Variants in ZNF235 observed in about 807,000 individuals in gnomAD.
ZNF235 encodes the protein zfp-93.
Under a neutral mutation model 29.4 loss-of-function variants are expected in ZNF235, and 25 were observed. The observed-to-expected ratio is 0.85, with a 90% CI of 0.62 to 1.19. The LOEUF (loss-of-function observed/expected upper bound fraction) is 1.19, where lower values mean the gene tolerates loss of function less well. Among genes scored for constraint, ZNF235 ranks in the 50% most tolerant of loss-of-function variants. The pLI is 0.00. For missense variants in ZNF235, 788 were observed against 885.0 expected, an observed-to-expected ratio of 0.89 and a Z score of 1.39; for synonymous variants, 300 against 295.3, an observed-to-expected ratio of 1.02 and a Z score of -0.16.
In ZNF235 at chr19:44,287,290, G is replaced by A. The variant is rs146718961; in HGVS notation, c.2145C>T (p.Val715=). The stretch of plus-strand genomic sequence containing the variant: ...ACCTCTGACTGAAGCCCTTACAACA[G>A]ACATCACATATGTAAGGCCTCTCTC... ...HTGERPYICD[V]CCKGFSQRSH... Residue 715 remains valine, a synonymous_variant, in exon 5 of 5, where the codon GTC becomes GTT. Coordinates refer to ENST00000291182, the MANE Select transcript of ZNF235 (RefSeq NM_004234.4). 3.1e-6 allele frequency: 5 copies of A among 1,611,976 alleles called. No individual in the cohort carries two copies. In the African/African-American group the frequency reaches 6.7e-5, roughly 22 times the overall value.
At chr19:44,292,150 C>T (rs1354394904) in intron 4 of ZNF235, among the ~76,000 whole-genome samples, 1 of 151,896 alleles carries the variant, frequency 6.6e-6, no homozygotes, top group Non-Finnish European at 1.5e-5. Context: ...GCAAGTATAT[C>T]CACTCTCACA....
intron 4 of ZNF235, among the ~76,000 whole-genome samples, chr19:44,295,414 A>G (rs1975641402): frequency 6.6e-6 from 1 of 151,338 alleles, no homozygotes; most frequent in Non-Finnish European, 1.5e-5. Context: ...AAGGAAAATT[A>G]TGAAACAATA....
chr19:44,293,366 T>C (rs2123096423), intron 4 of ZNF235, among the ~76,000 whole-genome samples: 1 of 151,940 alleles, frequency 6.6e-6, no homozygotes, highest in East Asian at 1.9e-4. Context: ...AAGTGATCAA[T>C]AAACAAATAA....
intron 2 of ZNF235, among the ~76,000 whole-genome samples, chr19:44,302,214 A>T (rs1451392684): frequency 6.6e-6 from 1 of 152,186 alleles, no homozygotes; most frequent in Non-Finnish European, 1.5e-5. Context: ...AAATGGTAGA[A>T]TTCTCAGAAT....
chr19:44,293,589 C>G (rs1183329128), intron 4 of ZNF235, among the ~76,000 whole-genome samples: 1 of 152,124 alleles, frequency 6.6e-6, no homozygotes, highest in Admixed American at 6.5e-5. Flanking sequence ...CAGACATTTA[C>G]AGAACATTCT....
intron 4 of ZNF235, among the ~76,000 whole-genome samples, chr19:44,293,816 A>G (rs2123096923): frequency 6.6e-6 from 1 of 152,194 alleles, no homozygotes; most frequent in East Asian, 1.9e-4. Context: ...ATCCTAAACA[A>G]TCTTTGGGTT....
intron 2 of ZNF235, among the ~76,000 whole-genome samples, chr19:44,302,562 C>T (rs1975752996): frequency 6.6e-6 from 1 of 151,538 alleles, no homozygotes; most frequent in Non-Finnish European, 1.5e-5. Context: ...AAGTTCAAGA[C>T]CAGCCTGGGA....
rs1350892383 is a variant in ZNF235 at position 44,287,651 on chromosome 19, CCA to C, written c.1782_1783del (p.Glu596LysfsTer6). ...TGCATCACACTTGAATGGTTTTTCCCCAGTGTGGACGCTCTGATGGGCTTGAA... is the reference window on the plus strand; with the variant it reads ...TGCATCACACTTGAATGGTTTTTCCCGTGTGGACGCTCTGATGGGCTTGAA... On this transcript the variant is annotated frameshift_variant, in exon 5 of 5. Transcript: ENST00000291182. LOFTEE classifies it high-confidence loss of function. The C allele has an allele frequency of 6.2e-7, 1 of 1,613,918 alleles. No homozygotes were observed. The highest frequency in any genetic ancestry group is 1.1e-5 in the South Asian group (1 of 91,074).
chr19:44,300,441 C>T (rs1461787165), intron 2 of ZNF235, among the ~76,000 whole-genome samples: 4 of 152,102 alleles, frequency 2.6e-5, no homozygotes, highest in Non-Finnish European at 4.4e-5. Flanking sequence ...TATATTTAAC[C>T]ATTCTAAATA....
rs1975810457 is a variant in ZNF235, at chr19:44,304,973, C to T, written c.-51G>A. 4 of 982,604 alleles carry T rather than the reference C, an allele frequency of 4.1e-6. No homozygotes were observed. The highest frequency in any genetic ancestry group is 4.8e-6 in the Non-Finnish European group (4 of 827,338). The allele number at this position is 982,604 out of a possible 1,614,324, so 60.9% of individuals were successfully genotyped here. A position where few individuals can be genotyped will look rare whatever the true frequency, so the allele number is the denominator to read the frequency against. The stretch of plus-strand genomic sequence containing the variant: ...TTGGAGACCCGGAGCTGACTCACCT[C>T]CCTGGGAGATATCTCAGATCCGACC... On this transcript the variant is annotated splice_region_variant and 5_prime_UTR_variant, in exon 1 of 5. Coordinates refer to ENST00000291182, the MANE Select transcript of ZNF235 (RefSeq NM_004234.4).
chr19:44,299,305 C>T (rs187156927), intron 3 of ZNF235, among the ~76,000 whole-genome samples: 67 of 152,140 alleles, frequency 4.4e-4, no homozygotes, highest in African/African-American at 1.4e-3. Flanking sequence ...AAAAGATATA[C>T]GAAATAAGGA....
Position 44,298,916 on chromosome 19 carries a change from A to G in ZNF235, c.143-13T>C, listed in dbSNP as rs778871391. ...AAGGACTGATGTCCTATAAAAAGAT[A>G]GTATTTAAGTGAAAATGTTAAAGGC... On this transcript the variant is annotated splice_polypyrimidine_tract_variant and intron_variant, in intron 3 of 4. Transcript: ENST00000291182. 1 of 1,595,694 alleles carries G rather than the reference A, an allele frequency of 6.3e-7. No individual in the cohort carries two copies. The highest frequency in any genetic ancestry group is 2.2e-5 in the East Asian group (1 of 44,796).
intron 2 of ZNF235, among the ~76,000 whole-genome samples, chr19:44,302,509 AAT>A (rs1975752236): frequency 2.0e-5 from 3 of 151,980 alleles, no homozygotes; most frequent in Admixed American, 2.0e-4. Context: ...CCATTTAAAA[AAT>A]ATATCTGTTA....
chr19:44,287,515 T>G lies in ZNF235; in HGVS notation c.1920A>C (p.Ser640=). The G allele has an allele frequency of 6.2e-7, 1 of 1,614,190 alleles. No individual in the cohort carries two copies. The highest frequency in any genetic ancestry group is 1.1e-5 in the South Asian group (1 of 91,080). ...DTCGKAFSQR[S]NLQVHQIIHT... The stretch of plus-strand genomic sequence containing the variant: ...GAATTATCTGATGGACTTGAAGATT[T>G]GACCTCTGGCTGAAGGCCTTACCAC... Residue 640 remains serine (S), a synonymous_variant, in exon 5 of 5, where the codon TCA becomes TCC. Transcript: ENST00000291182.
At chr19:44,299,016 G>C in intron 3 of ZNF235, 113 bp from the exon 4 acceptor site, 1 of 664,070 alleles carries the variant, frequency 1.5e-6, no homozygotes, top group Non-Finnish European at 2.5e-6. Flanking sequence ...AATGTTTAGG[G>C]AACATTTTTT....
intron 2 of ZNF235, among the ~76,000 whole-genome samples, chr19:44,302,953 TATAA>T (rs1031415592): frequency 2.6e-4 from 36 of 137,024 alleles, no homozygotes; most frequent in East Asian, 6.0e-4. Flanking sequence ...TATTTGTATA[TATAA>T]ATATATACGT....
intron 2 of ZNF235, among the ~76,000 whole-genome samples, chr19:44,302,909 TATAC>T (rs1975760741): frequency 1.7e-5 from 2 of 118,278 alleles, no homozygotes; most frequent in Non-Finnish European, 3.6e-5. Context: ...TATATAAATA[TATAC>T]GTATATATTT....
chr19:44,297,177 T>A (rs185879805), intron 4 of ZNF235: 2 of 173,222 alleles, frequency 1.2e-5, no homozygotes, highest in East Asian at 3.4e-4. Flanking sequence ...TCCTTCACCA[T>A]TGCAGGCCAT....
Position 44,288,235 on chromosome 19 carries a change from C to T in ZNF235, c.1200G>A (p.Glu400=), listed in dbSNP as rs201634530. The change falls in exon 5 of 5, where the codon GAG becomes GAA. Residue 400 remains glutamate, a synonymous_variant. Transcript: ENST00000291182. ...LNIHCRVHTG[E]KPYKCEVCGK... ...CACACACCTCACATTTATAAGGTTT[C>T]TCTCCAGTGTGAACTCTGCAATGAA... 1 of 1,614,124 alleles carries T rather than the reference C, an allele frequency of 6.2e-7. No homozygotes were observed. Among genetic ancestry groups the T allele is most frequent in the East Asian group, 2.2e-5 (1 of 44,874 alleles).
Sources: gnomAD v4.1 joint callset for allele counts (sites outside exome capture counted in the v4.1 genomes callset) on GRCh38, gnomAD v4.1.1 for gene constraint, MANE v1.5 for transcripts, NCBI Gene and HGNC (gene_info 2026-07-23, HGNC 2026-07-21) for gene names.